The following WDR41 variants were observed in gnomAD, a reference collection of about 807,000 sequenced individuals.
WDR41 encodes the protein WD repeat-containing protein 41.
WDR41 carries 63 observed loss-of-function variants against 69.3 expected under a neutral mutation model. The ratio of observed to expected loss-of-function variants is 0.91; its 90% CI spans 0.74 to 1.12. The LOEUF (loss-of-function observed/expected upper bound fraction) is 1.12. WDR41 is among the 50% of genes most tolerant of loss of function. The probability of loss-of-function intolerance (pLI) is 0.00; values close to 1 mark genes in which losing one functional copy is unlikely to be tolerated. For missense variants in WDR41, 543 were observed against 534.5 expected (o/e 1.02, Z -0.16); for synonymous variants, 185 against 192.1 (o/e 0.96, Z 0.31).
At chr5:77,514,766 T>C (rs1802268902) in intron 1 of WDR41, among the ~76,000 whole-genome samples, 1 of 152,228 alleles carries the variant, frequency 6.6e-6, no homozygotes, top group Non-Finnish European at 1.5e-5. Flanking sequence ...TTGCTCCTAG[T>C]CTACCAATCC....
chr5:77,433,946 A>G (rs1355125439), intron 12 of WDR41, among the ~76,000 whole-genome samples: 1 of 152,248 alleles, frequency 6.6e-6, no homozygotes, highest in Non-Finnish European at 1.5e-5. Flanking sequence ...AGTGTTGACA[A>G]AAGGCAGCAT....
At chr5:77,543,648 C>G (rs183760746) in intron 1 of WDR41, among the ~76,000 whole-genome samples, 76 of 152,102 alleles carry the variant, frequency 5.0e-4, no homozygotes, top group African/African-American at 1.8e-3. Flanking sequence ...TCCAAGAAGT[C>G]TGGGATTATG....
At chr5:77,450,886 T>C (rs143254794) in intron 7 of WDR41, among the ~76,000 whole-genome samples, 4 of 152,312 alleles carry the variant, frequency 2.6e-5, no homozygotes, top group African/African-American at 7.2e-5. Context: ...ACTACAAATC[T>C]CTATCCAGGT....
At chr5:77,465,483 T>C (rs1453777587) in intron 2 of WDR41, among the ~76,000 whole-genome samples, 1 of 152,146 alleles carries the variant, frequency 6.6e-6, no homozygotes, top group Admixed American at 6.6e-5. Flanking sequence ...GAGTAGAAGA[T>C]ATTCTGAACA....
At chr5:77,573,598 T>C (rs1743771769) in intron 1 of WDR41, among the ~76,000 whole-genome samples, 1 of 152,200 alleles carries the variant, frequency 6.6e-6, no homozygotes, top group Non-Finnish European at 1.5e-5. Context: ...ACTGTTCTGC[T>C]TGCAGCCACG....
chr5:77,435,125 T>C (rs1470111555), intron 12 of WDR41, among the ~76,000 whole-genome samples: 1 of 152,170 alleles, frequency 6.6e-6, no homozygotes, highest in African/African-American at 2.4e-5. Flanking sequence ...CCACAGTCCA[T>C]GCTCACCTCC....
chr5:77,583,040 A>G, intron 1 of WDR41: 1 of 1,597,568 alleles, frequency 6.3e-7, no homozygotes, highest in Admixed American at 1.7e-5. Flanking sequence ...GGAATGAAGA[A>G]AAAGACCACC....
At chr5:77,521,406 A>G (rs1428299556) in intron 1 of WDR41, among the ~76,000 whole-genome samples, 1 of 152,206 alleles carries the variant, frequency 6.6e-6, no homozygotes, top group Non-Finnish European at 1.5e-5. Context: ...ACAGCAGGGT[A>G]CCGGTACCGG....
chr5:77,565,683 C>A (rs751845749), intron 1 of WDR41, among the ~76,000 whole-genome samples: 2 of 152,084 alleles, frequency 1.3e-5, no homozygotes, highest in African/African-American at 2.4e-5. Context: ...AAAGATGAGC[C>A]CCATCTGACC....
At chr5:77,602,000 C>T (rs1341317431) in intron 1 of WDR41, among the ~76,000 whole-genome samples, 2 of 152,218 alleles carry the variant, frequency 1.3e-5, no homozygotes, top group East Asian at 1.9e-4. Flanking sequence ...TTGAAATATA[C>T]AAAACATTGT....
chr5:77,492,368 G>C (rs932266786), upstream of WDR41: 1 of 1,009,378 alleles, frequency 9.9e-7, no homozygotes, highest in Admixed American at 2.7e-5. Context: ...AAGGAATGCA[G>C]ACCACAGTTG....
intron 2 of WDR41, among the ~76,000 whole-genome samples, chr5:77,485,599 TA>T (rs530132289): frequency 2.0e-5 from 3 of 152,326 alleles, no homozygotes; most frequent in African/African-American, 7.2e-5. Flanking sequence ...TAAAATGTGT[TA>T]TGAACTCAGT....
intron 1 of WDR41, among the ~76,000 whole-genome samples, chr5:77,617,699 G>T (rs1230964019): frequency 2.0e-5 from 3 of 152,130 alleles, no homozygotes; most frequent in Non-Finnish European, 2.9e-5. Flanking sequence ...ACGTGTCAAA[G>T]GATTGAAAGG....
At chr5:77,567,816 C>T (rs144042173) in intron 1 of WDR41, among the ~76,000 whole-genome samples, 6 of 151,798 alleles carry the variant, frequency 4.0e-5, no homozygotes, top group African/African-American at 1.2e-4. Flanking sequence ...ATAAGTAGCC[C>T]TTCTTCTTCC....
intron 2 of WDR41, among the ~76,000 whole-genome samples, chr5:77,485,026 A>G (rs1801449239): frequency 6.6e-6 from 1 of 152,236 alleles, no homozygotes; most frequent in Non-Finnish European, 1.5e-5. Context: ...CATCCAGTAG[A>G]GAACTCTTAA....
chr5:77,492,153 A>C lies in WDR41; in HGVS notation c.51+17T>G. On this transcript the variant is annotated intron_variant, in intron 1 of 12. Coordinates refer to ENST00000296679, the MANE Select transcript of WDR41 (RefSeq NM_018268.4). ...AGCAAGCTCGACGGACGCAGAGCAG[A>C]CCCACCCGGGGTTTACCTCGGCCAG... The C allele has an allele frequency of 6.2e-7, 1 of 1,610,688 alleles. No individual in the cohort carries two copies. Among genetic ancestry groups the C allele is most frequent in the Non-Finnish European group, 8.5e-7 (1 of 1,178,730 alleles).
chr5:77,458,580 A>G (rs912772426), intron 5 of WDR41, among the ~76,000 whole-genome samples: 9 of 152,134 alleles, frequency 5.9e-5, no homozygotes, highest in African/African-American at 2.2e-4. Context: ...GCCCCAATTA[A>G]TAATTGTTTG....
chr5:77,471,546 G>T (rs1312254942), intron 2 of WDR41, among the ~76,000 whole-genome samples: 3 of 151,892 alleles, frequency 2.0e-5, no homozygotes, highest in African/African-American at 7.3e-5. Context: ...TAATAAAGAA[G>T]AAAAGAGAGA....
At chr5:77,510,624 A>G (rs1483311988) in intron 1 of WDR41, among the ~76,000 whole-genome samples, 1 of 152,036 alleles carries the variant, frequency 6.6e-6, no homozygotes, top group Non-Finnish European at 1.5e-5. Flanking sequence ...CAACCACCCT[A>G]TGAAGTTAGC....
Sources: allele counts gnomAD v4.1 joint callset (sites outside exome capture counted in the v4.1 genomes callset), GRCh38; gene constraint gnomAD v4.1.1; transcripts MANE v1.5; gene names NCBI Gene and HGNC (gene_info 2026-07-23, HGNC 2026-07-21).